The following ATP9B variants were observed in gnomAD, a reference collection of about 807,000 sequenced individuals.
The protein encoded by ATP9B is ATPase phospholipid transporting 9B, also known as probable phospholipid-transporting ATPase IIB.
ATP9B carries 110 observed loss-of-function variants against 146.1 expected under a neutral mutation model. The ratio of observed to expected loss-of-function variants is 0.75; its 90% confidence interval spans 0.65 to 0.88. The LOEUF (loss-of-function observed/expected upper bound fraction) is 0.88. Ranked by LOEUF, ATP9B falls within the 40% of genes least tolerant of loss-of-function variation. The pLI is 0.00. For missense variants in ATP9B, 1,499 were observed against 1,496.4 expected, an observed-to-expected ratio of 1.00 and a Z score of -0.03; for synonymous variants, 604 against 569.7, an observed-to-expected ratio of 1.06 and a Z score of -0.86.
chr18:79,136,067 C>T (rs1468783629), intron 5 of ATP9B, among the ~76,000 whole-genome samples: 1 of 152,068 alleles, frequency 6.6e-6, no homozygotes, highest in Non-Finnish European at 1.5e-5. Flanking sequence ...ATTTTCAGAG[C>T]TGTTTTTGTT....
intron 25 of ATP9B, among the ~76,000 whole-genome samples, chr18:79,349,912 C>T (rs1457524779): frequency 3.0e-5 from 4 of 135,456 alleles, no homozygotes; most frequent in Non-Finnish European, 4.9e-5. Flanking sequence ...CCCCACCATG[C>T]ACCTTCACAC....
At chr18:79,288,487 T>C (rs1385002260) in intron 13 of ATP9B, among the ~76,000 whole-genome samples, 2 of 152,160 alleles carry the variant, frequency 1.3e-5, no homozygotes, top group African/African-American at 2.4e-5. Context: ...CTCCATCCTT[T>C]TATTTTGAGC....
At chr18:79,347,684 T>C in intron 23 of ATP9B, 86 bp from the exon 24 acceptor site, 1 of 1,423,222 alleles carries the variant, frequency 7.0e-7, no homozygotes, top group Non-Finnish European at 9.3e-7. Context: ...CTTTGTAACA[T>C]TTAGGCTGAG....
chr18:79,342,195 T>C (rs1308845719), intron 19 of ATP9B, 73 bp from the exon 20 acceptor site: 1 of 1,223,244 alleles, frequency 8.2e-7, no homozygotes, highest in African/African-American at 1.5e-5. Context: ...TTGGCTGTTG[T>C]GAATTATGTG....
chr18:79,171,314 T>G (rs193022738), intron 7 of ATP9B, among the ~76,000 whole-genome samples: 1 of 152,218 alleles, frequency 6.6e-6, no homozygotes, highest in African/African-American at 2.4e-5. Context: ...AAGGGTGTTA[T>G]GAAGCAATTC....
Position 79,282,174 on chromosome 18 carries a change from G to T in ATP9B, c.1411+4978G>T, listed in dbSNP as rs2096384370. Among the ~76,000 whole-genome samples, 4 of 152,202 alleles carry T rather than the reference G, an allele frequency of 2.6e-5. No individual in the cohort carries two copies. In the South Asian group the frequency reaches 8.3e-4, roughly 31 times the overall value. Reference sequence around the variant, plus strand: ...TGCCTCTTACGGATGAGCAAAGAAAGTAGTTTCTTGAAATGGAATCCGCTC... The same window carrying T: ...TGCCTCTTACGGATGAGCAAAGAAATTAGTTTCTTGAAATGGAATCCGCTC... On this transcript the variant is annotated intron_variant, in intron 13 of 29. Transcript: ENST00000426216.
chr18:79,377,138 C>A, intron 29 of ATP9B, 109 bp from the exon 30 acceptor site: 1 of 1,319,922 alleles, frequency 7.6e-7, no homozygotes, highest in Non-Finnish European at 1.1e-6. Context: ...GTGATGTTTC[C>A]GTGGCAAGCT....
At chr18:79,136,000 C>T (rs1392128309) in intron 5 of ATP9B, among the ~76,000 whole-genome samples, 2 of 152,250 alleles carry the variant, frequency 1.3e-5, no homozygotes, top group African/African-American at 2.4e-5. Context: ...ACATCATGCT[C>T]TTTTGGTTAC....
intron 13 of ATP9B, among the ~76,000 whole-genome samples, chr18:79,291,361 A>G (rs975515972): frequency 2.6e-5 from 4 of 152,244 alleles, no homozygotes; most frequent in African/African-American, 9.6e-5. Flanking sequence ...TAAAATGACA[A>G]AAGTTGTAGA....
chr18:79,294,434 C>G (rs989733591), intron 13 of ATP9B, among the ~76,000 whole-genome samples: 2 of 152,234 alleles, frequency 1.3e-5, no homozygotes, highest in African/African-American at 2.4e-5. Context: ...CAGCCTTGCC[C>G]AGCCGTGGCT....
chr18:79,189,715 G>T (rs2095344568), intron 8 of ATP9B, among the ~76,000 whole-genome samples: 1 of 152,258 alleles, frequency 6.6e-6, no homozygotes, highest in South Asian at 2.1e-4. Flanking sequence ...TTTACAAGGT[G>T]AACTGTCTGT....
At chr18:79,103,452 G>A (rs2075433056) in intron 2 of ATP9B, among the ~76,000 whole-genome samples, 1 of 152,114 alleles carries the variant, frequency 6.6e-6, no homozygotes, top group Admixed American at 6.5e-5. Flanking sequence ...TCTTGAAAAG[G>A]TTGGGAGACA....
chr18:79,234,633 T>C (rs1373964289), intron 11 of ATP9B, among the ~76,000 whole-genome samples: 8 of 137,104 alleles, frequency 5.8e-5, no homozygotes, highest in African/African-American at 1.6e-4. Context: ...TTGCTGTGGG[T>C]GTGCTGCTGT....
rs1054061636 is a variant in ATP9B, at chr18:79,345,962, C to T, written c.2682+123C>T. ...TCAGTGCACGTCAGCATGTGCTTAG[C>T]GTACGCTCGGTCAGCAAACACTCAG... On this transcript the variant is annotated intron_variant, in intron 23 of 29. Transcript: ENST00000426216. 2.5e-5 allele frequency: 27 copies of T among 1,085,900 alleles called. No homozygotes were observed. The East Asian group carries it at 4.5e-4, about 18-fold the overall frequency. 67.3% of individuals were successfully genotyped at this position (1,085,900 alleles called of 1,614,324 possible). A position where few individuals can be genotyped will look rare whatever the true frequency, so the allele number is the denominator to read the frequency against.
At chr18:79,219,394 GT>G (rs1321024008) in intron 11 of ATP9B, among the ~76,000 whole-genome samples, 33 of 147,528 alleles carry the variant, frequency 2.2e-4, no homozygotes, top group East Asian at 1.2e-3. Flanking sequence ...ATTGATTTTG[GT>G]TTTTTTTTTA....
chr18:79,331,824 A>T (rs1318963948), intron 17 of ATP9B, among the ~76,000 whole-genome samples: 1 of 152,196 alleles, frequency 6.6e-6, no homozygotes, highest in Non-Finnish European at 1.5e-5. Context: ...GATGTTCCGG[A>T]TAGCTGGAGG....
intron 9 of ATP9B, among the ~76,000 whole-genome samples, chr18:79,201,241 A>G (rs547026281): frequency 8.3e-4 from 127 of 152,244 alleles, no homozygotes; most frequent in Middle Eastern, 6.8e-3. Flanking sequence ...TATTTTGATG[A>G]TAGTTCTTGA....
intron 13 of ATP9B, among the ~76,000 whole-genome samples, chr18:79,278,643 G>C (rs967440358): frequency 6.6e-6 from 1 of 152,104 alleles, no homozygotes; most frequent in African/African-American, 2.4e-5. Flanking sequence ...GTAATTGAAA[G>C]TTCAGTTGTT....
In ATP9B at chr18:79,347,899, A is replaced by G. The variant is rs767622715; in HGVS notation, c.2812A>G (p.Arg938Gly). 1.9e-6 allele frequency: 3 copies of G among 1,613,708 alleles called. No individual in the cohort carries two copies. In the East Asian group the frequency reaches 6.7e-5, roughly 36 times the overall value. ...GGCACTCGGCCAGTTCGTCATGCAC[A>G]GGGGCCTTATCATCTCCACCATGCA... The part of the protein sequence containing the change: ...SAALGQFVMH[R>G]GLIISTMQAV... Residue 938 changes from arginine to glycine, a missense_variant, in exon 24 of 30, where the codon AGG (arginine) becomes GGG (glycine). Coordinates refer to ENST00000426216, the MANE Select transcript of ATP9B (RefSeq NM_198531.5).
Sources: allele counts gnomAD v4.1 joint callset (sites outside exome capture counted in the v4.1 genomes callset), GRCh38; gene constraint gnomAD v4.1.1; transcripts MANE v1.5; gene names NCBI Gene and HGNC (gene_info 2026-07-23, HGNC 2026-07-21).